HID1: variants seen among roughly 807,000 people sequenced by gnomAD.
The protein encoded by HID1 is protein HID1.
HID1 carries 42 observed loss-of-function variants against 89.7 expected under a neutral mutation model. The ratio of observed to expected loss-of-function variants is 0.47; its 90% CI spans 0.37 to 0.61. The LOEUF (loss-of-function observed/expected upper bound fraction) is 0.61. Ranked by LOEUF, HID1 falls within the 20% of genes least tolerant of loss-of-function variation. The probability of loss-of-function intolerance (pLI) is 0.00; values close to 1 mark genes in which losing one functional copy is unlikely to be tolerated. For missense variants in HID1, 854 were observed against 1,039.3 expected (o/e 0.82, Z 2.45); for synonymous variants, 442 against 433.8 (o/e 1.02, Z -0.24).
chr17:74,962,407 C>T lies in HID1; in HGVS notation c.505-67G>A, dbSNP rs1383793534. The T allele has an allele frequency of 1.1e-5, 12 of 1,057,854 alleles. No homozygotes were observed. Among genetic ancestry groups the T allele is most frequent in the Non-Finnish European group, 1.7e-5 (12 of 709,670 alleles). The allele number at this position is 1,057,854 out of a possible 1,614,324, so 65.5% of individuals were successfully genotyped here. The stretch of plus-strand genomic sequence containing the variant: ...GGTGAACAGCAGCCTGGGTCAGAAC[C>T]TGGCCACCTCGAGCCTCACACAGTC... On this transcript the variant is annotated intron_variant, in intron 4 of 18. Transcript: ENST00000425042. The surrounding 1 kb of genome is among the most constrained non-coding windows in gnomAD (Gnocchi z 4.3).
rs1422383545 is a variant in HID1, at chr17:74,958,900, G to A, written c.1149+11C>T. ...TCCATCTCCCTGCAGGGCCCCTCGA[G>A]GCTGGCCCACCTTGTTGAAGTCGCA... is the stretch of plus-strand genomic sequence containing the variant. On this transcript the variant is annotated intron_variant, in intron 9 of 18. Coordinates refer to ENST00000425042, the MANE Select transcript of HID1 (RefSeq NM_030630.3). This position sits in a 1 kb window ranked among gnomAD's most constrained non-coding sequence, Gnocchi z 5.2. 5.0e-6 allele frequency: 8 copies of A among 1,586,792 alleles called. No homozygotes were observed. Among genetic ancestry groups the A allele is most frequent in the Non-Finnish European group, 6.0e-6 (7 of 1,168,554 alleles).
Position 74,972,410 on chromosome 17 carries a change from G to C in HID1, c.66+181C>G, listed in dbSNP as rs1049259012. The stretch of plus-strand genomic sequence containing the variant: ...AGAGGAGGCTGAGGGTGGGGGACTA[G>C]GGCCAGGGGATGGAGCTTCCAGGTA... On this transcript the variant is annotated intron_variant, in intron 1 of 18. Transcript: ENST00000425042. The surrounding 1 kb of genome is among the most constrained non-coding windows in gnomAD (Gnocchi z 6.4). Among the ~76,000 whole-genome samples the C allele has an allele frequency of 3.0e-4, 45 of 152,178 alleles. No individual in the cohort carries two copies. The highest frequency in any genetic ancestry group is 5.4e-4 in the Non-Finnish European group (37 of 68,014).
rs375655005 is a variant in HID1 at position 74,958,244 on chromosome 17, C to T, written c.1393-25G>A. On this transcript the variant is annotated intron_variant, in intron 11 of 18. Coordinates refer to ENST00000425042, the MANE Select transcript of HID1 (RefSeq NM_030630.3). This position sits in a 1 kb window ranked among gnomAD's most constrained non-coding sequence, Gnocchi z 5.2. Reference sequence around the variant, plus strand: ...CCTGTGCCAGGAGGGACAGAGGCACCGTGGGGTCCCCGCTGCCTCCAGACT... The same window carrying T: ...CCTGTGCCAGGAGGGACAGAGGCACTGTGGGGTCCCCGCTGCCTCCAGACT... The T allele has an allele frequency of 1.2e-3, 1,966 of 1,608,254 alleles. No individual in the cohort carries two copies. The highest frequency in any genetic ancestry group is 1.6e-3 in the Non-Finnish European group (1,865 of 1,177,518).
At chr17:74,953,124 C>A (rs748489484) in intron 15 of HID1, 38 bp from the exon 16 acceptor site, 1 of 1,376,468 alleles carries the variant, frequency 7.3e-7, no homozygotes. Context: ...GGGATGGTGG[C>A]GGTGGGTGAG....
chr17:74,960,394 G>A, intron 6 of HID1, 146 bp from the exon 7 acceptor site: 2 of 695,600 alleles, frequency 2.9e-6, no homozygotes, highest in Non-Finnish European at 4.8e-6. Context: ...AGTGGGTGTG[G>A]GAAGCCCAGA....
In HID1 at chr17:74,955,774, C is replaced by G; in HGVS notation, c.1636+18G>C. On this transcript the variant is annotated intron_variant, in intron 13 of 18. Transcript: ENST00000425042. Reference sequence around the variant, plus strand: ...CGCTGGCCACCCTGACCACCAGGGCCTCAGGCTGGTGCCTCACCATCAAAC... The same window carrying G: ...CGCTGGCCACCCTGACCACCAGGGCGTCAGGCTGGTGCCTCACCATCAAAC... The G allele has an allele frequency of 6.2e-7, 1 of 1,612,830 alleles. No individual in the cohort carries two copies. Among genetic ancestry groups the G allele is most frequent in the Non-Finnish European group, 8.5e-7 (1 of 1,179,184 alleles).
chr17:74,952,946 C>A, intron 16 of HID1, 60 bp downstream of exon 16: 1 of 1,373,600 alleles, frequency 7.3e-7, no homozygotes, highest in Non-Finnish European at 1.0e-6. Context: ...CCAGCTCCCG[C>A]CTCAGTACCA....
Position 74,960,252 on chromosome 17 carries a change from C to A in HID1, c.729-4G>T, listed in dbSNP as rs768550195. 1.2e-6 allele frequency: 2 copies of A among 1,605,146 alleles called. No homozygotes were observed. The highest frequency in any genetic ancestry group is 1.7e-6 in the Non-Finnish European group (2 of 1,178,578). ...GGTGAAGAGGGGCAGGGCATGTCTG[C>A]AGCAGGAGAGGGACAAGGCTGCAGA... On this transcript the variant is annotated splice_polypyrimidine_tract_variant and splice_region_variant and intron_variant, in intron 6 of 18. Coordinates refer to ENST00000425042, the MANE Select transcript of HID1 (RefSeq NM_030630.3).
At chr17:74,970,386 C>G (rs548064270) in intron 1 of HID1, among the ~76,000 whole-genome samples, 1 of 152,196 alleles carries the variant, frequency 6.6e-6, no homozygotes, top group Admixed American at 6.5e-5. Flanking sequence ...ACCATGCATT[C>G]CCATGCACAT....
In HID1 at chr17:74,956,019, G is replaced by T. The variant is rs2039385504; in HGVS notation, c.1472-63C>A. On this transcript the variant is annotated intron_variant, in intron 12 of 18. Coordinates refer to ENST00000425042, the MANE Select transcript of HID1 (RefSeq NM_030630.3). ...GCCAAGCCATCCCTGCACATCCTGG[G>T]CCGGGGTGGAACAACAGGCTCCTGC... The T allele has an allele frequency of 5.2e-6, 8 of 1,542,474 alleles. No homozygotes were observed. The South Asian group carries it at 5.8e-5, about 11-fold the overall frequency.
Position 74,958,823 on chromosome 17 carries a change from C to T in HID1, c.1150-60G>A, listed in dbSNP as rs1272744972. The T allele has an allele frequency of 1.3e-6, 2 of 1,590,336 alleles. No homozygotes were observed. The highest frequency in any genetic ancestry group is 1.3e-5 in the African/African-American group (1 of 74,574). ...TCAAGGGAGGGGCAGCTCTGCCCCA[C>T]CCCCCTCAGTCTGACACTGTCCCTG... is the stretch of plus-strand genomic sequence containing the variant. On this transcript the variant is annotated intron_variant, in intron 9 of 18. Transcript: ENST00000425042. The surrounding 1 kb of genome is among the most constrained non-coding windows in gnomAD (Gnocchi z 5.2).
chr17:74,965,229 G>T (rs1318352254), intron 1 of HID1, among the ~76,000 whole-genome samples: 1 of 152,192 alleles, frequency 6.6e-6, no homozygotes, highest in Non-Finnish European at 1.5e-5. Context: ...TGCCAGGGCT[G>T]CCAACTTCAA....
rs11290713 is a variant in HID1 at position 74,957,319 on chromosome 17, CAA to C, written c.1471+820_1471+821del. On this transcript the variant is annotated intron_variant, in intron 12 of 18. Transcript: ENST00000425042. ...CAAAACTCTGTCTCTACTAAAAATA[CAA>C]AAAAAAAAAAAAAATTAGCCAGTTG... Among the ~76,000 whole-genome samples, 717 of 139,570 alleles carry C rather than the reference CAA, an allele frequency of 5.1e-3. 1 individual carries two copies. Among genetic ancestry groups the C allele is most frequent in the African/African-American group, 8.5e-3 (319 of 37,596 alleles). The allele number at this position is 139,570 out of a possible 152,430, so 91.6% of individuals were successfully genotyped here.
intron 3 of HID1, chr17:74,963,394 C>A (rs60867224): frequency 0.03 from 14,627 of 486,798 alleles, 834 homozygotes; most frequent in African/African-American, 0.16. Context: ...CTCACCTGGA[C>A]ATAAACCCAG....
chr17:74,955,755 C>T, intron 13 of HID1, 37 bp downstream of exon 13: 1 of 1,603,866 alleles, frequency 6.2e-7, no homozygotes, highest in Non-Finnish European at 8.5e-7. Flanking sequence ...GGCCCGCTGG[C>T]CACCCTGACC....
rs2039300469 is a variant in HID1 at position 74,951,632 on chromosome 17, TC to T, written c.2304del (p.Asn769MetfsTer12). 1 of 1,611,846 alleles carries T rather than the reference TC, an allele frequency of 6.2e-7. No individual in the cohort carries two copies. Among genetic ancestry groups the T allele is most frequent in the African/African-American group, 1.3e-5 (1 of 74,854 alleles). On this transcript the variant is annotated frameshift_variant and splice_region_variant, in exon 19 of 19. Coordinates refer to ENST00000425042, the MANE Select transcript of HID1 (RefSeq NM_030630.3). LOFTEE classifies it high-confidence loss of function. ...RTYMWGVIYLRNVDPPVWYDT... is the reference protein window; with the variant it reads ...RTYMWGVIYLXNVDPPVWYDT... ...TCGTACCAGACAGGGGGGTCCACAT[TC>T]CTGTGGAGGAAATGGGGGGTTACCC...
chr17:74,956,426 T>C (rs2039391639), intron 12 of HID1, among the ~76,000 whole-genome samples: 1 of 152,190 alleles, frequency 6.6e-6, no homozygotes, highest in Non-Finnish European at 1.5e-5. Flanking sequence ...GACCCAACCC[T>C]GGGGGCACAC....
In HID1 at chr17:74,958,113, G is replaced by T. The variant is rs752693232; in HGVS notation, c.1471+28C>A. On this transcript the variant is annotated intron_variant, in intron 12 of 18. Transcript: ENST00000425042. The surrounding 1 kb of genome is among the most constrained non-coding windows in gnomAD (Gnocchi z 5.2). ...GGCCTGACACCACCTGGTGGTGAGC[G>T]CGGGGAGTGCAAGCTCCGGGCCCCT... The T allele has an allele frequency of 1.3e-6, 2 of 1,574,414 alleles. No individual in the cohort carries two copies. Among genetic ancestry groups the T allele is most frequent in the Admixed American group, 3.7e-5 (2 of 54,432 alleles).
chr17:74,953,857 A>C (rs1284684372), intron 14 of HID1, among the ~76,000 whole-genome samples: 1 of 150,230 alleles, frequency 6.7e-6, no homozygotes, highest in Non-Finnish European at 1.5e-5. Context: ...CTCTGCCCCC[A>C]ACACCAAGCT....
Sources: gnomAD v4.1 joint callset for allele counts (sites outside exome capture counted in the v4.1 genomes callset) on GRCh38, gnomAD v4.1.1 for gene constraint, Gnocchi (gnomAD v3.1) non-coding constraint, MANE v1.5 for transcripts, NCBI Gene and HGNC (gene_info 2026-07-23, HGNC 2026-07-21) for gene names.